Variants in EP400 observed in about 807,000 individuals in gnomAD.
EP400 encodes E1A-binding protein p400.
A neutral mutation model predicts 354.1 loss-of-function variants in EP400; 105 were observed. The ratio of observed to expected loss-of-function variants is 0.30; its 90% confidence interval spans 0.25 to 0.35. EP400 has a LOEUF of 0.35. Ranked by LOEUF, EP400 falls within the 10% of genes least tolerant of loss-of-function variation. The pLI, the probability that EP400 is intolerant of heterozygous loss-of-function variation, is 1.00. For missense variants in EP400, 3,280 were observed against 4,121.0 expected, an observed-to-expected ratio of 0.80 and a Z score of 5.59; for synonymous variants, 1,646 against 1,716.9, an observed-to-expected ratio of 0.96 and a Z score of 1.02.
Position 131,950,689 on chromosome 12 carries a change from G to A in EP400, c.-36+653G>A, listed in dbSNP as rs1171944637. Among the ~76,000 whole-genome samples, 4 of 152,170 alleles carry A rather than the reference G, an allele frequency of 2.6e-5. No homozygotes were observed. The South Asian group carries it at 6.2e-4, about 24-fold the overall frequency. The stretch of plus-strand genomic sequence containing the variant: ...GGGGCGCCTCTCGTCACACACCTGC[G>A]GCCCACGGGCTTCTGCTCAGCTGTC... On this transcript the variant is annotated intron_variant, in intron 1 of 52. Coordinates refer to ENST00000389561, the MANE Select transcript of EP400 (RefSeq NM_015409.5).
intron 47 of EP400, among the ~76,000 whole-genome samples, chr12:132,063,101 G>C (rs182423704): frequency 2.0e-5 from 3 of 152,170 alleles, no homozygotes; most frequent in Non-Finnish European, 4.4e-5. Context: ...GGTTTGTTTC[G>C]ATGTGGTTCA....
intron 12 of EP400, among the ~76,000 whole-genome samples, chr12:132,003,780 C>T (rs1893494545): frequency 6.6e-6 from 1 of 152,208 alleles, no homozygotes; most frequent in Non-Finnish European, 1.5e-5. Flanking sequence ...CACTTACTTT[C>T]ACTGGGCTCC....
intron 2 of EP400, chr12:131,963,432 A>G: frequency 2.5e-6 from 2 of 815,958 alleles, no homozygotes; most frequent in South Asian, 1.6e-5. Context: ...CCATTTTTAA[A>G]CCCCAAATGT....
chr12:132,017,389 A>G lies in EP400; in HGVS notation c.3924-146A>G. On this transcript the variant is annotated intron_variant, in intron 19 of 52. Coordinates refer to ENST00000389561, the MANE Select transcript of EP400 (RefSeq NM_015409.5). The surrounding 1 kb of genome is among the most constrained non-coding windows in gnomAD (Gnocchi z 5.0). ...GGGCCTGCCTGGGATGTGGACTTGAATGGCCACTCTGTCTAACTCATTAAG... is the reference window on the plus strand; with the variant it reads ...GGGCCTGCCTGGGATGTGGACTTGAGTGGCCACTCTGTCTAACTCATTAAG... 1.3e-6 allele frequency: 1 copy of G among 744,634 alleles called. No individual in the cohort carries two copies. Among genetic ancestry groups the G allele is most frequent in the Non-Finnish European group, 2.2e-6 (1 of 464,712 alleles). 46.1% of individuals were successfully genotyped at this position (744,634 alleles called of 1,614,324 possible).
chr12:132,043,678 C>G lies in EP400; in HGVS notation c.6400C>G (p.Leu2134Val), dbSNP rs1300811436. 3 of 1,611,704 alleles carry G rather than the reference C, an allele frequency of 1.9e-6. No homozygotes were observed. The part of the protein sequence containing the change: ...TPIEKYALNY[L>V]ELFHTSIEQE... ...AATTGAAAAATATGCTTTAAATTAC[C>G]TGGAATTATTCCATACTTCTATTGA... Residue 2134 changes from leucine (L) to valine (V), a missense_variant, in exon 34 of 53, where the codon CTG becomes GTG. By Grantham distance (32) the Leu-to-Val change is conservative. Coordinates refer to ENST00000389561, the MANE Select transcript of EP400 (RefSeq NM_015409.5).
intron 15 of EP400, among the ~76,000 whole-genome samples, chr12:132,009,177 C>G (rs1893681867): frequency 6.6e-6 from 1 of 151,926 alleles, no homozygotes; most frequent in South Asian, 2.1e-4. Flanking sequence ...AGAGATCTGC[C>G]TGCCTTGGCT....
intron 2 of EP400, among the ~76,000 whole-genome samples, chr12:131,966,847 T>A (rs1056864870): frequency 7.3e-6 from 1 of 136,890 alleles, no homozygotes; most frequent in Non-Finnish European, 1.5e-5. Flanking sequence ...GAGGTTACAG[T>A]GAGCCGAGTT....
At chr12:132,009,114 G>T (rs1037439455) in intron 15 of EP400, among the ~76,000 whole-genome samples, 1 of 149,726 alleles carries the variant, frequency 6.7e-6, no homozygotes, top group African/African-American at 2.5e-5. Flanking sequence ...TATATTTTTG[G>T]CAGAGATAGG....
chr12:131,987,779 G>A lies in EP400; in HGVS notation c.2298G>A (p.Leu766=), dbSNP rs775146888. ...GLWSQRRLPK[L]QEAPRPKSHW... ...GGTCCCAGAGGCGTCTGCCAAAGCT[G>A]CAGGAGGCCCCACGCCCCAAGTCCC... The change falls in exon 7 of 53, where the codon CTG becomes CTA. Residue 766 remains leucine (L), a synonymous_variant. Coordinates refer to ENST00000389561, the MANE Select transcript of EP400 (RefSeq NM_015409.5). The A allele has an allele frequency of 5.0e-6, 8 of 1,612,850 alleles. No individual in the cohort carries two copies. The East Asian group carries it at 1.8e-4, about 36-fold the overall frequency.
Position 132,006,771 on chromosome 12 carries a change from G to A in EP400, c.3198G>A (p.Leu1066=), listed in dbSNP as rs1394817494. ...ATCAGAAGATTGGCCTGGACTGGCTGGCCAAACTTTACAGGAAGAATCTCA... is the reference window on the plus strand; with the variant it reads ...ATCAGAAGATTGGCCTGGACTGGCTAGCCAAACTTTACAGGAAGAATCTCA... ...RDYQKIGLDW[L]AKLYRKNLNG... The change falls in exon 15 of 53, where the codon CTG becomes CTA. Residue 1066 remains leucine (L), a synonymous_variant. Transcript: ENST00000389561. 1 of 1,613,972 alleles carries A rather than the reference G, an allele frequency of 6.2e-7. No individual in the cohort carries two copies. The highest frequency in any genetic ancestry group is 1.3e-5 in the African/African-American group (1 of 74,910).
chr12:131,987,982 A>ATTT, intron 7 of EP400, 92 bp downstream of exon 7: 1 of 628,602 alleles, frequency 1.6e-6, no homozygotes, highest in Non-Finnish European at 2.2e-6. Flanking sequence ...CTCCAGACCC[A>ATTT]CTTTTTTTTT....
At chr12:131,953,232 A>G (rs1183428125) in intron 1 of EP400, among the ~76,000 whole-genome samples, 1 of 152,202 alleles carries the variant, frequency 6.6e-6, no homozygotes, top group Non-Finnish European at 1.5e-5. Context: ...ACTTATACAG[A>G]TGTTCCTTAG....
intron 16 of EP400, among the ~76,000 whole-genome samples, chr12:132,012,142 T>C (rs1214938889): frequency 6.6e-6 from 1 of 152,244 alleles, no homozygotes; most frequent in African/African-American, 2.4e-5. Flanking sequence ...CAGTTTTCCA[T>C]TGAGTAGAAC....
At chr12:132,049,990 C>T (rs1159005490) in intron 39 of EP400, among the ~76,000 whole-genome samples, 4 of 152,162 alleles carry the variant, frequency 2.6e-5, no homozygotes, top group Non-Finnish European at 4.4e-5. Flanking sequence ...GCTCACAGCC[C>T]GCTCCACACA....
chr12:132,004,110 G>A (rs566506322), intron 12 of EP400, among the ~76,000 whole-genome samples: 1 of 152,342 alleles, frequency 6.6e-6, no homozygotes, highest in African/African-American at 2.4e-5. Flanking sequence ...AAGGGGAAAT[G>A]ATGAGGTTGA....
intron 1 of EP400, among the ~76,000 whole-genome samples, chr12:131,951,673 C>T (rs571060199): frequency 6.6e-6 from 1 of 152,304 alleles, no homozygotes; most frequent in Admixed American, 6.5e-5. Flanking sequence ...GCGATCTCGG[C>T]TCACTGCAAC....
Position 132,062,341 on chromosome 12 carries a change from G to A in EP400, c.8098+18G>A, listed in dbSNP as rs1243667991. 4 of 1,613,550 alleles carry A rather than the reference G, an allele frequency of 2.5e-6. No individual in the cohort carries two copies. Among genetic ancestry groups the A allele is most frequent in the Non-Finnish European group, 3.4e-6 (4 of 1,179,560 alleles). ...GTCCCAAGGTAAAGCCAGGCTGGGA[G>A]CTTTCTCTGCCACACGTCTGCTCTG... On this transcript the variant is annotated intron_variant, in intron 46 of 52. Coordinates refer to ENST00000389561, the MANE Select transcript of EP400 (RefSeq NM_015409.5).
At chr12:131,975,254 T>G (rs1343418812) in intron 2 of EP400, among the ~76,000 whole-genome samples, 1 of 152,180 alleles carries the variant, frequency 6.6e-6, no homozygotes, top group East Asian at 1.9e-4. Context: ...AGCAGAAGTT[T>G]CTCATTTTAA....
At position 132,079,842 on chromosome 12, in the gene EP400, A is replaced by T. The variant is rs1896331698; in HGVS notation, c.*2169A>T. 2.0e-5 allele frequency: 3 copies of T among 152,244 alleles called. No homozygotes were observed. The highest frequency in any genetic ancestry group is 2.0e-4 in the Admixed American group (3 of 15,290). The allele number at this position is 152,244 out of a possible 1,614,324, so 9.4% of individuals were successfully genotyped here. On this transcript the variant is annotated 3_prime_UTR_variant, in exon 53 of 53. Coordinates refer to ENST00000389561, the MANE Select transcript of EP400 (RefSeq NM_015409.5). Reference sequence around the variant, plus strand: ...TATTTTTACTCGTAGCACTCAATTTAGTAACTTCTAGATGCTACCGTTGAC... The same window carrying T: ...TATTTTTACTCGTAGCACTCAATTTTGTAACTTCTAGATGCTACCGTTGAC...
Sources: gnomAD v4.1 joint callset for allele counts (sites outside exome capture counted in the v4.1 genomes callset) on GRCh38, gnomAD v4.1.1 for gene constraint, Gnocchi (gnomAD v3.1) non-coding constraint, MANE v1.5 for transcripts, NCBI Gene and HGNC (gene_info 2026-07-23, HGNC 2026-07-21) for gene names.